Variants in CACNB2 observed in about 807,000 individuals in gnomAD.
The protein encoded by CACNB2 is calcium voltage-gated channel auxiliary subunit beta 2, also known as voltage-dependent L-type calcium channel subunit beta-2.
CACNB2 carries 42 observed loss-of-function variants against 73.3 expected under a neutral mutation model. The observed-to-expected ratio is 0.57, with a 90% CI of 0.45 to 0.74. CACNB2 has a LOEUF of 0.74. CACNB2 is among the 30% of genes least tolerant of loss of function. The pLI is 0.00. For synonymous variants in CACNB2, 348 were observed against 310.3 expected (o/e 1.12, Z -1.28); for missense variants, 940 against 853.0 (o/e 1.10, Z -1.27).
At chr10:18,522,195 T>C (rs1647499405) in intron 9 of CACNB2, among the ~76,000 whole-genome samples, 1 of 152,050 alleles carries the variant, frequency 6.6e-6, no homozygotes, top group Non-Finnish European at 1.5e-5. Flanking sequence ...GACCATCTAG[T>C]TGCAGGAAAA....
intron 2 of CACNB2, among the ~76,000 whole-genome samples, chr10:18,162,699 A>G (rs2032554528): frequency 6.6e-6 from 1 of 152,198 alleles, no homozygotes. Context: ...CTTAGGTAAG[A>G]ACCAGCTCCT....
intron 4 of CACNB2, 90 bp downstream of exon 4, chr10:18,498,567 G>T: frequency 7.6e-7 from 1 of 1,312,614 alleles, no homozygotes; most frequent in Non-Finnish European, 1.1e-6. Flanking sequence ...TTTCTGTGAA[G>T]TAGCATTGCA....
chr10:18,255,724 C>A (rs190205428), intron 2 of CACNB2, among the ~76,000 whole-genome samples: 1 of 152,308 alleles, frequency 6.6e-6, no homozygotes, highest in African/African-American at 2.4e-5. Flanking sequence ...TTCATAGTTG[C>A]AGACGTACTG....
intron 10 of CACNB2, among the ~76,000 whole-genome samples, chr10:18,532,440 A>G (rs1049020230): frequency 3.9e-5 from 6 of 152,124 alleles, no homozygotes; most frequent in Admixed American, 6.5e-5. Flanking sequence ...TTGGGAGGCT[A>G]AGGCGGGAGA....
chr10:18,315,429 G>A (rs1564429070), intron 2 of CACNB2, among the ~76,000 whole-genome samples: 1 of 142,002 alleles, frequency 7.0e-6, no homozygotes, highest in Non-Finnish European at 1.5e-5. Flanking sequence ...GGGAGGACAA[G>A]GCAGGAGGAT....
chr10:18,444,970 A>T (rs1318410861), intron 3 of CACNB2, among the ~76,000 whole-genome samples: 1 of 152,222 alleles, frequency 6.6e-6, no homozygotes, highest in Non-Finnish European at 1.5e-5. Flanking sequence ...GGAAAGATTA[A>T]AAACCATTTT....
chr10:18,392,734 A>C (rs1431487614), intron 2 of CACNB2, among the ~76,000 whole-genome samples: 2 of 152,180 alleles, frequency 1.3e-5, no homozygotes, highest in Non-Finnish European at 2.9e-5. Flanking sequence ...TTTCTAGACC[A>C]AAAATTCCCT....
At chr10:18,160,121 A>G (rs755458559) in intron 2 of CACNB2, among the ~76,000 whole-genome samples, 3 of 152,166 alleles carry the variant, frequency 2.0e-5, no homozygotes, top group Non-Finnish European at 4.4e-5. Context: ...CAAAATTTAG[A>G]TTTTGCACTT....
At chr10:18,470,950 G>T (rs999416461) in intron 3 of CACNB2, among the ~76,000 whole-genome samples, 2 of 152,162 alleles carry the variant, frequency 1.3e-5, no homozygotes, top group African/African-American at 4.8e-5. Flanking sequence ...CCCAACAACA[G>T]TGTTAATTTT....
In CACNB2 at chr10:18,375,624, C is replaced by T. The variant is rs185566933; in HGVS notation, c.214-26300C>T. Among the ~76,000 whole-genome samples, 161 of 152,252 alleles carry T rather than the reference C, an allele frequency of 1.1e-3. 1 individual carries two copies. The highest frequency in any genetic ancestry group is 6.8e-3 in the Middle Eastern group (2 of 294). On this transcript the variant is annotated intron_variant, in intron 2 of 13. Transcript: ENST00000324631. ...AATTGAAAATTTAATTTTTCTAGGACCCTTATTGGGGTTGTGCAGGAGCCC... is the reference window on the plus strand; with the variant it reads ...AATTGAAAATTTAATTTTTCTAGGATCCTTATTGGGGTTGTGCAGGAGCCC...
chr10:18,225,889 C>G (rs1306571945), intron 2 of CACNB2, among the ~76,000 whole-genome samples: 1 of 152,188 alleles, frequency 6.6e-6, no homozygotes, highest in African/African-American at 2.4e-5. Flanking sequence ...ATCCTCCTGC[C>G]TCAGCCTTCC....
At chr10:18,171,543 A>AAAAAAAAAAAAAAAAG (rs1564314409) in intron 2 of CACNB2, among the ~76,000 whole-genome samples, 10 of 138,888 alleles carry the variant, frequency 7.2e-5, no homozygotes, top group African/African-American at 3.2e-4. Flanking sequence ...AAAAAAAAAA[A>AAAAAAAAAAAAAAAAG]AAAAAAGGCT....
chr10:18,258,081 T>C (rs1304130029), intron 2 of CACNB2, among the ~76,000 whole-genome samples: 1 of 152,122 alleles, frequency 6.6e-6, no homozygotes, highest in Non-Finnish European at 1.5e-5. Flanking sequence ...AATACATGGA[T>C]TGTATTTTAT....
chr10:18,262,631 C>T (rs1488927997), intron 2 of CACNB2, among the ~76,000 whole-genome samples: 1 of 151,886 alleles, frequency 6.6e-6, no homozygotes, highest in Non-Finnish European at 1.5e-5. Context: ...TAAGATTAGC[C>T]GCCTAAAGAA....
At chr10:18,352,496 G>T (rs1040853117) in intron 2 of CACNB2, among the ~76,000 whole-genome samples, 3 of 152,226 alleles carry the variant, frequency 2.0e-5, no homozygotes, top group Admixed American at 2.0e-4. Context: ...GGAATAATCA[G>T]TGAATGATAA....
chr10:18,435,715 G>T (rs2046099430), intron 3 of CACNB2, among the ~76,000 whole-genome samples: 1 of 152,014 alleles, frequency 6.6e-6, no homozygotes, highest in Non-Finnish European at 1.5e-5. Context: ...GCCCAGGCTG[G>T]TCTCAAACTC....
chr10:18,317,657 T>C (rs1184729849), intron 2 of CACNB2, among the ~76,000 whole-genome samples: 1 of 152,226 alleles, frequency 6.6e-6, no homozygotes, highest in Non-Finnish European at 1.5e-5. Context: ...CTGGGTTGAT[T>C]CCTCATCTTG....
At chr10:18,520,603 A>C (rs1008562067) in intron 9 of CACNB2, among the ~76,000 whole-genome samples, 2 of 152,152 alleles carry the variant, frequency 1.3e-5, no homozygotes, top group Non-Finnish European at 2.9e-5. Context: ...TTTCCTCTGA[A>C]TGGAAACCAA....
chr10:18,319,147 C>T (rs1274574906), intron 2 of CACNB2, among the ~76,000 whole-genome samples: 2 of 152,136 alleles, frequency 1.3e-5, no homozygotes, highest in South Asian at 2.1e-4. Flanking sequence ...CACATGCACA[C>T]GTACATTTAT....
Sources: allele counts gnomAD v4.1 joint callset (sites outside exome capture counted in the v4.1 genomes callset), GRCh38; gene constraint gnomAD v4.1.1; transcripts MANE v1.5; gene names NCBI Gene and HGNC (gene_info 2026-07-23, HGNC 2026-07-21).